The following STYK1 variants were observed in gnomAD, a reference collection of about 807,000 sequenced individuals.
STYK1 encodes the protein STY kinase 1.
Under a neutral mutation model 48.1 loss-of-function variants are expected in STYK1, and 46 were observed. The ratio of observed to expected loss-of-function variants is 0.96; its 90% CI spans 0.75 to 1.22. The LOEUF is 1.22. STYK1 is among the 50% of genes most tolerant of loss of function. The pLI is 0.00. For synonymous variants in STYK1, 188 were observed against 189.0 expected (o/e 0.99, Z 0.04); for missense variants, 527 against 521.1 (o/e 1.01, Z -0.11).
chr12:10,631,349 TGGGGATCCCG>T, intron 4 of STYK1, 41 bp from the exon 5 acceptor site: 1 of 1,597,740 alleles, frequency 6.3e-7, no homozygotes, highest in Non-Finnish European at 8.6e-7. Context: ...TTCCCCGCCC[TGGGGATCCCG>T]GAAAGCAGAC....
chr12:10,626,810 T>C (rs1947364225), intron 7 of STYK1, among the ~76,000 whole-genome samples: 1 of 152,014 alleles, frequency 6.6e-6, no homozygotes, highest in Non-Finnish European at 1.5e-5. Flanking sequence ...ATCGAGACCA[T>C]CCTGGCTAAC....
chr12:10,626,305 T>C (rs577445290), intron 7 of STYK1, among the ~76,000 whole-genome samples: 4 of 152,162 alleles, frequency 2.6e-5, no homozygotes, highest in Non-Finnish European at 5.9e-5. Flanking sequence ...CCTCTGCAAT[T>C]GCGGTTCTGA....
intron 1 of STYK1, among the ~76,000 whole-genome samples, chr12:10,663,741 G>GAA (rs71051521): frequency 3.4e-4 from 49 of 144,964 alleles, no homozygotes; most frequent in East Asian, 3.0e-3. Flanking sequence ...GACCATTTCG[G>GAA]AAAAAAAAAA....
chr12:10,659,904 G>A (rs1442888489), intron 1 of STYK1, among the ~76,000 whole-genome samples: 1 of 152,190 alleles, frequency 6.6e-6, no homozygotes, highest in South Asian at 2.1e-4. Context: ...CCTGTTGTTA[G>A]ATTCTAGTCC....
intron 1 of STYK1, among the ~76,000 whole-genome samples, chr12:10,650,234 C>T (rs1220793270): frequency 1.3e-5 from 2 of 148,550 alleles, no homozygotes; most frequent in East Asian, 4.0e-4. Context: ...CTCCCAGGAA[C>T]AAAGTTAATG....
At chr12:10,625,460 G>T (rs529897240) in intron 7 of STYK1, among the ~76,000 whole-genome samples, 2 of 152,112 alleles carry the variant, frequency 1.3e-5, no homozygotes, top group African/African-American at 4.8e-5. Context: ...CTTGTGATCT[G>T]CCCTCCTCGG....
At chr12:10,642,647 C>T (rs1947557908) in intron 1 of STYK1, among the ~76,000 whole-genome samples, 1 of 152,172 alleles carries the variant, frequency 6.6e-6, no homozygotes, top group African/African-American at 2.4e-5. Flanking sequence ...TAAGTATACT[C>T]TATGCACAGA....
chr12:10,671,229 C>T (rs1232745488), intron 1 of STYK1, among the ~76,000 whole-genome samples: 1 of 152,016 alleles, frequency 6.6e-6, no homozygotes, highest in African/African-American at 2.4e-5. Context: ...CTCCTGACCT[C>T]GTGATCCGCC....
intron 2 of STYK1, among the ~76,000 whole-genome samples, chr12:10,635,608 ATAG>A (rs1343651735): frequency 1.3e-5 from 2 of 152,214 alleles, no homozygotes; most frequent in Non-Finnish European, 2.9e-5. Flanking sequence ...GATTCAAAAA[ATAG>A]TAGTGTAAAA....
intron 1 of STYK1, among the ~76,000 whole-genome samples, chr12:10,666,367 T>G (rs1292557560): frequency 1.3e-5 from 2 of 152,216 alleles, no homozygotes; most frequent in Non-Finnish European, 2.9e-5. Flanking sequence ...TTTTCACCAC[T>G]TATTTGGTAG....
intron 5 of STYK1, among the ~76,000 whole-genome samples, chr12:10,630,678 A>G (rs1332085100): frequency 6.6e-6 from 1 of 151,998 alleles, no homozygotes; most frequent in Admixed American, 6.6e-5. Flanking sequence ...CAGAAAAGGC[A>G]TTTGATAAAA....
chr12:10,635,301 A>C (rs1947474333), intron 2 of STYK1, among the ~76,000 whole-genome samples: 1 of 152,226 alleles, frequency 6.6e-6, no homozygotes, highest in Non-Finnish European at 1.5e-5. Flanking sequence ...GAAAACATTT[A>C]ATTTCATTTT....
intron 8 of STYK1, 127 bp from the exon 9 acceptor site, chr12:10,622,805 T>C (rs1865928935): frequency 1.8e-6 from 2 of 1,095,538 alleles, no homozygotes; most frequent in African/African-American, 1.6e-5. Context: ...CAAGGATGAG[T>C]GTCTGAAAAA....
chr12:10,642,829 A>G (rs548770749), intron 1 of STYK1, among the ~76,000 whole-genome samples: 53 of 152,352 alleles, frequency 3.5e-4, no homozygotes, highest in Middle Eastern at 3.4e-3. Flanking sequence ...AATGCTGTAA[A>G]GTAAGGTACA....
intron 1 of STYK1, among the ~76,000 whole-genome samples, chr12:10,657,097 A>G (rs1043071551): frequency 6.6e-6 from 1 of 152,184 alleles, no homozygotes; most frequent in Non-Finnish European, 1.5e-5. Flanking sequence ...ACACTGAGAG[A>G]TAAGAGTTCC....
intron 1 of STYK1, among the ~76,000 whole-genome samples, chr12:10,656,581 C>T (rs555841989): frequency 6.6e-5 from 10 of 152,128 alleles, no homozygotes; most frequent in African/African-American, 1.7e-4. Flanking sequence ...GCCGAGATCA[C>T]GTCACTGCAC....
chr12:10,674,024 T>G lies in STYK1; in HGVS notation c.-253A>C, dbSNP rs995902339. ...GGCACCGGCCCAGTCGGAGGGGAAA[T>G]AATGACAGGGTTGGGTAGGGCAAGG... On this transcript the variant is annotated 5_prime_UTR_variant, in exon 1 of 11. Coordinates refer to ENST00000075503, the MANE Select transcript of STYK1 (RefSeq NM_018423.3). The G allele has an allele frequency of 2.6e-5, 4 of 151,902 alleles. No individual in the cohort carries two copies. Among genetic ancestry groups the G allele is most frequent in the African/African-American group, 9.7e-5 (4 of 41,308 alleles). 9.4% of individuals were successfully genotyped at this position (151,902 alleles called of 1,614,324 possible). A position where few individuals can be genotyped will look rare whatever the true frequency, so the allele number is the denominator to read the frequency against.
In STYK1 at chr12:10,627,692, A is replaced by T; in HGVS notation, c.666T>A (p.Asp222Glu). The change falls in exon 7 of 11, where the codon GAT becomes GAA. Residue 222 changes from aspartate (D) to glutamate (E), a missense_variant. Physicochemically the swap from Asp to Glu is conservative, Grantham distance 45 (BLOSUM62 2). Transcript: ENST00000075503. ...TGTGATATACTTGTTTTTCTGTGAG[A>T]TCATAGAGAAGACCATCCATAGTCA... ...DVMTMDGLLY[D>E]LTEKQVYHIG... is the part of the protein sequence containing the mutation. 6.2e-7 allele frequency: 1 copy of T among 1,613,724 alleles called. No individual in the cohort carries two copies. The highest frequency in any genetic ancestry group is 8.5e-7 in the Non-Finnish European group (1 of 1,179,840).
intron 1 of STYK1, among the ~76,000 whole-genome samples, chr12:10,649,930 G>A (rs950739289): frequency 6.6e-6 from 1 of 151,918 alleles, no homozygotes; most frequent in African/African-American, 2.4e-5. Context: ...GGCTAACATG[G>A]TGAAACCCCG....
Sources: gnomAD v4.1 joint callset for allele counts (sites outside exome capture counted in the v4.1 genomes callset) on GRCh38, gnomAD v4.1.1 for gene constraint, MANE v1.5 for transcripts, NCBI Gene and HGNC (gene_info 2026-07-23, HGNC 2026-07-21) for gene names.